Variants in LCMT1 observed in about 807,000 individuals in gnomAD.
LCMT1 encodes the protein [Phosphatase 2A protein]-leucine-carboxy methyltransferase 1.
LCMT1 carries 32 observed loss-of-function variants against 47.7 expected under a neutral mutation model. The ratio of observed to expected loss-of-function variants is 0.67; its 90% CI spans 0.51 to 0.90. The LOEUF (loss-of-function observed/expected upper bound fraction) is 0.90, where lower values mean the gene tolerates loss of function less well. LCMT1 is among the 40% of genes least tolerant of loss of function. The probability of loss-of-function intolerance (pLI) is 0.00; values close to 1 mark genes in which losing one functional copy is unlikely to be tolerated. For missense variants in LCMT1, 375 were observed against 415.2 expected, an observed-to-expected ratio of 0.90 and a Z score of 0.84; for synonymous variants, 152 against 149.7, an observed-to-expected ratio of 1.02 and a Z score of -0.11.
intron 3 of LCMT1, among the ~76,000 whole-genome samples, chr16:25,135,055 G>T (rs1006338231): frequency 2.0e-4 from 31 of 151,670 alleles, no homozygotes; most frequent in African/African-American, 7.0e-4. Context: ...CACGCAATTT[G>T]TTTTTTTTCT....
Position 25,178,091 on chromosome 16 carries a change from C to T in LCMT1, c.*68C>T. The T allele has an allele frequency of 6.6e-7, 1 of 1,524,698 alleles. No homozygotes were observed. The highest frequency in any genetic ancestry group is 9.1e-7 in the Non-Finnish European group (1 of 1,102,894). 94.4% of individuals were successfully genotyped at this position (1,524,698 alleles called of 1,614,324 possible). On this transcript the variant is annotated 3_prime_UTR_variant, in exon 11 of 11. Coordinates refer to ENST00000399069, the MANE Select transcript of LCMT1 (RefSeq NM_016309.3). ...CCCTCCTGGAGGAGACCTGCAAGCTCCCTGAGCGGTGGGCGGGCCTCGTCC... is the reference window on the plus strand; with the variant it reads ...CCCTCCTGGAGGAGACCTGCAAGCTTCCTGAGCGGTGGGCGGGCCTCGTCC...
Position 25,111,814 on chromosome 16 carries a change from C to G in LCMT1, c.-70C>G. 2.9e-6 allele frequency: 3 copies of G among 1,031,274 alleles called. No individual in the cohort carries two copies. The highest frequency in any genetic ancestry group is 3.0e-6 in the Non-Finnish European group (2 of 675,340). 63.9% of individuals were successfully genotyped at this position (1,031,274 alleles called of 1,614,324 possible). A position where few individuals can be genotyped will look rare whatever the true frequency, so the allele number is the denominator to read the frequency against. ...GTTGCTTTCTCCCTGTGGCTCGCGC[C>G]GTCCCCCGCCGCCCGTCGACCCCGC... is the stretch of plus-strand genomic sequence containing the variant. On this transcript the variant is annotated 5_prime_UTR_variant, in exon 1 of 11. Transcript: ENST00000399069.
intron 1 of LCMT1, among the ~76,000 whole-genome samples, chr16:25,114,538 G>A (rs1959727146): frequency 6.6e-6 from 1 of 152,014 alleles, no homozygotes; most frequent in Non-Finnish European, 1.5e-5. Flanking sequence ...CTCTCCTTAT[G>A]ATGTCCATCA....
In LCMT1 at chr16:25,159,660, A is replaced by G. The variant is rs562728080; in HGVS notation, c.467-1442A>G. On this transcript the variant is annotated intron_variant, in intron 5 of 10. Transcript: ENST00000399069. ...GCCCTTTATTGCTTTCCTGACATCT[A>G]GCAGGCTCTTAGGAGGTGTTTCTTT... 3.9e-5 allele frequency among the ~76,000 whole-genome samples: 6 copies of G among 152,202 alleles called. No individual in the cohort carries two copies. The South Asian group carries it at 1.0e-3, about 26-fold the overall frequency.
At chr16:25,132,209 G>C (rs1480082351) in intron 2 of LCMT1, 193 bp from the exon 3 acceptor site, 16 of 586,456 alleles carry the variant, frequency 2.7e-5, no homozygotes, top group African/African-American at 5.5e-5. Context: ...TACTTACCTT[G>C]GTTCAGATGC....
intron 4 of LCMT1, 40 bp downstream of exon 4, chr16:25,140,287 A>G: frequency 7.0e-7 from 1 of 1,424,262 alleles, no homozygotes; most frequent in Non-Finnish European, 9.7e-7. Flanking sequence ...GCCAGCGAGA[A>G]TTCAGATCCA....
Position 25,127,263 on chromosome 16 carries a change from AT to A in LCMT1, c.114-1208del, listed in dbSNP as rs1346535620. ...GTAATGCAGGTTTGCAAATGAATTG[AT>A]TTTATTGTATTAATGGGTCATGACT... On this transcript the variant is annotated intron_variant, in intron 1 of 10. Transcript: ENST00000399069. 3.9e-5 allele frequency among the ~76,000 whole-genome samples: 6 copies of A among 152,288 alleles called. No individual in the cohort carries two copies. In the East Asian group the frequency reaches 1.2e-3, roughly 29 times the overall value.
At chr16:25,154,765 G>A (rs1326839512) in intron 5 of LCMT1, among the ~76,000 whole-genome samples, 3 of 152,118 alleles carry the variant, frequency 2.0e-5, no homozygotes, top group African/African-American at 7.2e-5. Context: ...GGGATTATAG[G>A]TGTGAGCCAC....
Position 25,127,232 on chromosome 16 carries a change from A to T in LCMT1, c.114-1243A>T, listed in dbSNP as rs145593043. 1.8e-3 allele frequency among the ~76,000 whole-genome samples: 277 copies of T among 152,344 alleles called. 1 individual carries two copies. The highest frequency in any genetic ancestry group is 6.5e-3 in the African/African-American group (270 of 41,576). ...TTTTATTTTACTTGGTTCAACATTT[A>T]AAAAAGTAATGCAGGTTTGCAAATG... On this transcript the variant is annotated intron_variant, in intron 1 of 10. Coordinates refer to ENST00000399069, the MANE Select transcript of LCMT1 (RefSeq NM_016309.3).
At chr16:25,123,054 T>G (rs1298185851) in intron 1 of LCMT1, among the ~76,000 whole-genome samples, 2 of 152,126 alleles carry the variant, frequency 1.3e-5, no homozygotes, top group Non-Finnish European at 2.9e-5. Flanking sequence ...TAACGTATCT[T>G]TTAGCATTTT....
chr16:25,130,208 C>T (rs1316463751), intron 2 of LCMT1, among the ~76,000 whole-genome samples: 4 of 151,870 alleles, frequency 2.6e-5, no homozygotes, highest in Non-Finnish European at 5.9e-5. Context: ...GGTGTGGTGG[C>T]GGGTGCCTGT....
chr16:25,132,396 C>T lies in LCMT1; in HGVS notation c.206-6C>T, dbSNP rs781663449. ...AGCTTGTTTCTGTGCCTCCCCTCCC[C>T]CCTAGGATATTTTGCTCGAGTCCAT... On this transcript the variant is annotated splice_polypyrimidine_tract_variant and splice_region_variant and intron_variant, in intron 2 of 10. Transcript: ENST00000399069. 3.7e-6 allele frequency: 6 copies of T among 1,613,306 alleles called. No homozygotes were observed. Among genetic ancestry groups the T allele is most frequent in the East Asian group, 2.2e-5 (1 of 44,878 alleles).
Position 25,147,351 on chromosome 16 carries a change from AG to A in LCMT1, c.405-4199del, listed in dbSNP as rs574719459. ...ATTGGAGCGCTGTTGGGGACAGCAC[AG>A]GGGCTCCCCTCCCCAGGAGGCCTGC... On this transcript the variant is annotated intron_variant, in intron 4 of 10. Transcript: ENST00000399069. 186 of 152,338 alleles carry A rather than the reference AG, an allele frequency of 1.2e-3. 1 individual carries two copies. The highest frequency in any genetic ancestry group is 4.3e-3 in the African/African-American group (180 of 41,574). The allele number at this position is 152,338 out of a possible 1,614,324, so 9.4% of individuals were successfully genotyped here. A position where few individuals can be genotyped will look rare whatever the true frequency, so the allele number is the denominator to read the frequency against.
intron 1 of LCMT1, among the ~76,000 whole-genome samples, chr16:25,121,241 C>G (rs894393328): frequency 6.6e-5 from 10 of 151,804 alleles, no homozygotes; most frequent in Non-Finnish European, 1.2e-4. Flanking sequence ...GAAACCCCGT[C>G]TCTACTAAAA....
chr16:25,166,988 G>C (rs932309218), intron 7 of LCMT1, among the ~76,000 whole-genome samples: 14 of 152,132 alleles, frequency 9.2e-5, no homozygotes, highest in Non-Finnish European at 1.9e-4. Context: ...CACATGTTTT[G>C]GATTTGTACT....
intron 5 of LCMT1, among the ~76,000 whole-genome samples, chr16:25,154,897 G>T (rs761605067): frequency 6.6e-6 from 1 of 151,724 alleles, no homozygotes; most frequent in Non-Finnish European, 1.5e-5. Context: ...TTTTACTCTG[G>T]TTCTTTATAG....
intron 5 of LCMT1, among the ~76,000 whole-genome samples, chr16:25,156,718 G>A (rs1961266653): frequency 6.6e-6 from 1 of 152,176 alleles, no homozygotes; most frequent in Non-Finnish European, 1.5e-5. Context: ...TGTTTCACAT[G>A]CCCCACAATA....
chr16:25,164,513 C>G, intron 6 of LCMT1, 85 bp from the exon 7 acceptor site: 2 of 1,567,438 alleles, frequency 1.3e-6, no homozygotes, highest in Non-Finnish European at 1.7e-6. Flanking sequence ...ATGGACCGCC[C>G]CACCAATACT....
At chr16:25,147,319 G>T (rs1960891977) in intron 4 of LCMT1, 1 of 152,292 alleles carries the variant, frequency 6.6e-6, no homozygotes. Flanking sequence ...TGCCTGTTTG[G>T]AGTCCGATTG....
Sources: gnomAD v4.1 joint callset for allele counts (sites outside exome capture counted in the v4.1 genomes callset) on GRCh38, gnomAD v4.1.1 for gene constraint, MANE v1.5 for transcripts, NCBI Gene and HGNC (gene_info 2026-07-23, HGNC 2026-07-21) for gene names.